PCDHGA8: variants seen among roughly 807,000 people sequenced by gnomAD.
PCDHGA8 encodes protocadherin gamma-A8.
Under a neutral mutation model 59.2 loss-of-function variants are expected in PCDHGA8, and 45 were observed. That is an observed-to-expected ratio of 0.76 (90% CI 0.60 to 0.98). The LOEUF (loss-of-function observed/expected upper bound fraction) is 0.98, where lower values mean the gene tolerates loss of function less well. Ranked by LOEUF, PCDHGA8 falls within the 50% of genes least tolerant of loss-of-function variation. The probability of loss-of-function intolerance (pLI) is 0.00; values close to 1 mark genes in which losing one functional copy is unlikely to be tolerated. For synonymous variants in PCDHGA8, 531 were observed against 519.0 expected (o/e 1.02, Z -0.32); for missense variants, 1,257 against 1,196.2 (o/e 1.05, Z -0.75).
At chr5:141,480,910 T>C (rs985100480) in intron 1 of PCDHGA8, among the ~76,000 whole-genome samples, 5 of 152,106 alleles carry the variant, frequency 3.3e-5, no homozygotes, top group Non-Finnish European at 7.4e-5. Flanking sequence ...CTGGGCATGG[T>C]GGCGCATACC....
intron 1 of PCDHGA8, among the ~76,000 whole-genome samples, chr5:141,448,669 G>T: frequency 6.6e-6 from 1 of 152,136 alleles, no homozygotes; most frequent in East Asian, 1.9e-4. Flanking sequence ...GGCCGGGCGC[G>T]GTGGCTCACG....
chr5:141,393,898 C>T lies in PCDHGA8; in HGVS notation c.1085C>T (p.Pro362Leu), dbSNP rs182092307. The change falls in exon 1 of 4, where the codon CCC becomes CTC. Residue 362 changes from proline to leucine, a missense_variant. Transcript: ENST00000398604. ...AGCCCAGTGTTAGAAAATTCTCTTC[C>T]CGGGACAGTAATTGCCTTCTTGAGT... ...LFSPVLENSL[P>L]GTVIAFLSVH... The T allele has an allele frequency of 3.0e-5, 49 of 1,613,956 alleles. No individual in the cohort carries two copies. The African/African-American group carries it at 5.1e-4, about 17-fold the overall frequency.
chr5:141,423,753 G>A (rs758300730), intron 1 of PCDHGA8: 1 of 626,096 alleles, frequency 1.6e-6, no homozygotes, highest in Non-Finnish European at 2.0e-6. Context: ...AACTGTTTGG[G>A]GGGGGGGTGG....
At chr5:141,496,268 G>T (rs1237681971) in intron 2 of PCDHGA8, among the ~76,000 whole-genome samples, 1 of 152,208 alleles carries the variant, frequency 6.6e-6, no homozygotes, top group Non-Finnish European at 1.5e-5. Flanking sequence ...TCAGCAGAAA[G>T]ACCTTCAGTT....
rs1050545030 is a variant in PCDHGA8, at chr5:141,410,711, A to G, written c.2424+15474A>G. The G allele has an allele frequency of 4.2e-6, 6 of 1,436,568 alleles. No individual in the cohort carries two copies. In the African/African-American group the frequency reaches 7.6e-5, roughly 18 times the overall value. The allele number at this position is 1,436,568 out of a possible 1,614,324, so 89.0% of individuals were successfully genotyped here. A position where few individuals can be genotyped will look rare whatever the true frequency, so the allele number is the denominator to read the frequency against. ...CTACTTTATTTTCATATCTAGAATC[A>G]TATGTTTAAAATCCATAGCTTTTTA... On this transcript the variant is annotated intron_variant, in intron 1 of 3. Transcript: ENST00000398604.
At chr5:141,480,745 C>T (rs528415324) in intron 1 of PCDHGA8, among the ~76,000 whole-genome samples, 1 of 152,278 alleles carries the variant, frequency 6.6e-6, no homozygotes, top group Non-Finnish European at 1.5e-5. Flanking sequence ...ACATAGGCAT[C>T]ATTTTTTGAA....
At chr5:141,418,441 A>T in intron 1 of PCDHGA8, 2 of 1,614,000 alleles carry the variant, frequency 1.2e-6, no homozygotes, top group East Asian at 4.5e-5. Flanking sequence ...ATCCAGAATT[A>T]GTATTGCAGA....
intron 1 of PCDHGA8, among the ~76,000 whole-genome samples, chr5:141,425,402 A>C (rs1288785443): frequency 6.6e-6 from 1 of 152,222 alleles, no homozygotes; most frequent in Non-Finnish European, 1.5e-5. Flanking sequence ...AAGTTCTGTT[A>C]AGGTATAACA....
intron 1 of PCDHGA8, among the ~76,000 whole-genome samples, chr5:141,420,737 A>G (rs1156969170): frequency 1.3e-5 from 2 of 152,244 alleles, no homozygotes; most frequent in Non-Finnish European, 2.9e-5. Flanking sequence ...GTTAAAATCA[A>G]TTGGAACCAA....
At chr5:141,417,129 T>C (rs887933624) in intron 1 of PCDHGA8, 2 of 152,218 alleles carry the variant, frequency 1.3e-5, no homozygotes, top group South Asian at 2.1e-4. Context: ...TGGATGATGG[T>C]AATGACTAGG....
intron 1 of PCDHGA8, among the ~76,000 whole-genome samples, chr5:141,492,438 G>C (rs2099740636): frequency 6.6e-6 from 1 of 152,236 alleles, no homozygotes; most frequent in Non-Finnish European, 1.5e-5. Flanking sequence ...AGGAGTACTC[G>C]TAGCTGATTG....
chr5:141,423,751 G>GT, intron 1 of PCDHGA8: 12 of 349,026 alleles, frequency 3.4e-5, no homozygotes, highest in Non-Finnish European at 4.3e-5. Context: ...AAAACTGTTT[G>GT]GGGGGGGGGT....
At chr5:141,438,579 CAT>C (rs2097974137) in intron 1 of PCDHGA8, among the ~76,000 whole-genome samples, 1 of 55,780 alleles carries the variant, frequency 1.8e-5, no homozygotes, top group Admixed American at 2.8e-4. Context: ...GATATACATA[CAT>C]ACATACATAC....
intron 1 of PCDHGA8, among the ~76,000 whole-genome samples, chr5:141,435,314 G>C (rs1490871069): frequency 6.6e-6 from 1 of 152,006 alleles, no homozygotes; most frequent in African/African-American, 2.4e-5. Flanking sequence ...AATCATTCAT[G>C]AACTTCCAAA....
intron 1 of PCDHGA8, among the ~76,000 whole-genome samples, chr5:141,467,441 T>C (rs919148544): frequency 6.6e-6 from 1 of 152,340 alleles, no homozygotes; most frequent in African/African-American, 2.4e-5. Context: ...CATTCATTAC[T>C]TTTTTCTTCC....
At chr5:141,447,149 T>C (rs2098528211) in intron 1 of PCDHGA8, among the ~76,000 whole-genome samples, 1 of 152,212 alleles carries the variant, frequency 6.6e-6, no homozygotes, top group African/African-American at 2.4e-5. Flanking sequence ...TTTGTTTTTG[T>C]TTTTGTTTAA....
chr5:141,477,469 T>C lies in PCDHGA8; in HGVS notation c.2425-17338T>C, dbSNP rs2099411540. ...TGCGTGTTCAAGTGTCCGACATCAA[T>C]GACAACCCTCCACAATCTTCTCAAT... On this transcript the variant is annotated intron_variant, in intron 1 of 3. Coordinates refer to ENST00000398604, the MANE Select transcript of PCDHGA8 (RefSeq NM_032088.2). The surrounding 1 kb of genome is among the most constrained non-coding windows in gnomAD (Gnocchi z 4.9). 6.2e-7 allele frequency: 1 copy of C among 1,614,028 alleles called. No homozygotes were observed. Among genetic ancestry groups the C allele is most frequent in the South Asian group, 1.1e-5 (1 of 91,078 alleles).
intron 2 of PCDHGA8, 84 bp downstream of exon 2, chr5:141,494,949 C>A (rs1193148622): frequency 6.2e-7 from 1 of 1,606,850 alleles, no homozygotes; most frequent in Non-Finnish European, 8.5e-7. Context: ...GAGGGCCCAG[C>A]ATTTGCTACA....
chr5:141,409,600 G>A (rs778681839), intron 1 of PCDHGA8: 1 of 1,613,764 alleles, frequency 6.2e-7, no homozygotes. Context: ...AGAACAACCC[G>A]CCAGGAGCCT....
Sources: gnomAD v4.1 joint callset for allele counts (sites outside exome capture counted in the v4.1 genomes callset) on GRCh38, gnomAD v4.1.1 for gene constraint, Gnocchi (gnomAD v3.1) non-coding constraint, MANE v1.5 for transcripts, NCBI Gene and HGNC (gene_info 2026-07-23, HGNC 2026-07-21) for gene names.